The following KCNMB2 variants were observed in gnomAD, a reference collection of about 807,000 sequenced individuals.
KCNMB2 encodes the protein potassium calcium-activated channel subfamily M regulatory beta subunit 2, also known as calcium-activated potassium channel subunit beta-2.
A neutral mutation model predicts 24.5 loss-of-function variants in KCNMB2; 9 were observed. The observed-to-expected ratio is 0.37, with a 90% CI of 0.22 to 0.64. The LOEUF (loss-of-function observed/expected upper bound fraction) is 0.64. KCNMB2 is among the 30% of genes least tolerant of loss of function. The pLI, the probability that KCNMB2 is intolerant of heterozygous loss-of-function variation, is 0.63. For missense variants in KCNMB2, 226 were observed against 284.3 expected (o/e 0.79, Z 1.47); for synonymous variants, 109 against 104.4 (o/e 1.04, Z -0.27).
intron 1 of KCNMB2, among the ~76,000 whole-genome samples, chr3:178,712,882 C>G (rs9825087): frequency 0.078 from 11,894 of 152,164 alleles, 687 homozygotes; most frequent in African/African-American, 0.16. Flanking sequence ...ATTGGGAATA[C>G]TAGGTATTAC....
At chr3:178,826,311 T>C (rs1314735886) in intron 3 of KCNMB2, among the ~76,000 whole-genome samples, 1 of 152,226 alleles carries the variant, frequency 6.6e-6, no homozygotes, top group Admixed American at 6.5e-5. Context: ...AAGGTCAGAT[T>C]TAATTGGTCC....
intron 2 of KCNMB2, among the ~76,000 whole-genome samples, chr3:178,812,461 C>A (rs188651202): frequency 2.8e-5 from 4 of 142,362 alleles, no homozygotes; most frequent in African/African-American, 1.0e-4. Context: ...TTGTTCAATT[C>A]CCACCTATGA....
rs118185750 is a variant in KCNMB2 at position 178,664,022 on chromosome 3, G to C, written c.-68+127311G>C. Among the ~76,000 whole-genome samples, 28 of 152,222 alleles carry C rather than the reference G, an allele frequency of 1.8e-4. No homozygotes were observed. In the East Asian group the frequency reaches 5.4e-3, roughly 29 times the overall value. ...CCATCTAGAGGGGAGGGAAAAGAAA[G>C]AGTCGGGGTGTTCAAGGGTTACTGT... On this transcript the variant is annotated intron_variant, in intron 1 of 4. Transcript: ENST00000452583.
chr3:178,715,512 T>C (rs886333890), intron 1 of KCNMB2, among the ~76,000 whole-genome samples: 2 of 152,080 alleles, frequency 1.3e-5, no homozygotes, highest in Admixed American at 1.3e-4. Context: ...TCTCCCTGTG[T>C]CTTTGAGTTA....
At chr3:178,676,403 G>A (rs1186677661) in intron 1 of KCNMB2, among the ~76,000 whole-genome samples, 1 of 152,112 alleles carries the variant, frequency 6.6e-6, no homozygotes, top group Admixed American at 6.5e-5. Flanking sequence ...GACAGTGCAG[G>A]GCTGGGACTG....
intron 1 of KCNMB2, among the ~76,000 whole-genome samples, chr3:178,730,411 C>CCCCA (rs576910377): frequency 2.6e-4 from 37 of 142,796 alleles, no homozygotes; most frequent in South Asian, 7.0e-4. Context: ...CAACACCCCC[C>CCCCA]CACACACACA....
chr3:178,678,391 T>C (rs922930224), intron 1 of KCNMB2, among the ~76,000 whole-genome samples: 7 of 152,212 alleles, frequency 4.6e-5, no homozygotes, highest in Admixed American at 1.3e-4. Context: ...CCTGTGGGCC[T>C]AAGGGACTTT....
chr3:178,726,701 G>T (rs1034895731), intron 1 of KCNMB2, among the ~76,000 whole-genome samples: 1 of 151,840 alleles, frequency 6.6e-6, no homozygotes, highest in African/African-American at 2.4e-5. Context: ...AAATAAAATA[G>T]ACATTCAAAT....
chr3:178,554,750 G>A (rs1279697788), intron 1 of KCNMB2, among the ~76,000 whole-genome samples: 1 of 152,206 alleles, frequency 6.6e-6, no homozygotes, highest in East Asian at 1.9e-4. Flanking sequence ...AACTAGGGTT[G>A]ATAAACAGAC....
intron 1 of KCNMB2, among the ~76,000 whole-genome samples, chr3:178,590,702 G>T (rs1229139614): frequency 1.3e-5 from 2 of 152,276 alleles, no homozygotes; most frequent in Non-Finnish European, 2.9e-5. Flanking sequence ...TAAGTAACTT[G>T]CCTTGAGCCA....
At chr3:178,541,378 A>C (rs1715613159) in intron 1 of KCNMB2, among the ~76,000 whole-genome samples, 1 of 152,176 alleles carries the variant, frequency 6.6e-6, no homozygotes, top group African/African-American at 2.4e-5. Flanking sequence ...GGATGGTAAA[A>C]CCAAGTTGGA....
intron 1 of KCNMB2, among the ~76,000 whole-genome samples, chr3:178,572,829 A>G (rs1005154338): frequency 5.2e-4 from 79 of 152,332 alleles, no homozygotes; most frequent in African/African-American, 1.9e-3. Context: ...ATGACTTTAA[A>G]GAATAAAAAC....
intron 1 of KCNMB2, among the ~76,000 whole-genome samples, chr3:178,779,547 A>G (rs1300344435): frequency 6.6e-6 from 1 of 152,158 alleles, no homozygotes; most frequent in Non-Finnish European, 1.5e-5. Context: ...TAATTTATAG[A>G]TTCTTTCTCC....
intron 4 of KCNMB2, among the ~76,000 whole-genome samples, chr3:178,834,046 GA>G (rs1715137820): frequency 6.6e-6 from 1 of 152,074 alleles, no homozygotes; most frequent in African/African-American, 2.4e-5. Context: ...TACTCACCAG[GA>G]ATTCCCAAAA....
At chr3:178,658,275 T>C (rs900251626) in intron 1 of KCNMB2, among the ~76,000 whole-genome samples, 1 of 152,202 alleles carries the variant, frequency 6.6e-6, no homozygotes, top group African/African-American at 2.4e-5. Context: ...TTGTCAAACT[T>C]CCAAAGTATG....
chr3:178,605,098 G>C (rs1718225334), intron 1 of KCNMB2, among the ~76,000 whole-genome samples: 1 of 152,136 alleles, frequency 6.6e-6, no homozygotes, highest in Admixed American at 6.6e-5. Context: ...GAATGTTTGT[G>C]TTCCCCTAAA....
chr3:178,553,774 A>G (rs544087789), intron 1 of KCNMB2, among the ~76,000 whole-genome samples: 1 of 152,212 alleles, frequency 6.6e-6, no homozygotes, highest in African/African-American at 2.4e-5. Flanking sequence ...TCCCAACCTC[A>G]AGGGATCTGC....
chr3:178,768,808 A>G (rs949115675), intron 1 of KCNMB2, among the ~76,000 whole-genome samples: 2 of 152,340 alleles, frequency 1.3e-5, no homozygotes, highest in African/African-American at 4.8e-5. Flanking sequence ...TAAAAGTAAT[A>G]AAAAGAGCCA....
chr3:178,767,980 G>A (rs1712191576), intron 1 of KCNMB2, among the ~76,000 whole-genome samples: 1 of 150,686 alleles, frequency 6.6e-6, no homozygotes, highest in Admixed American at 6.6e-5. Flanking sequence ...AGGCTGCAGT[G>A]TTCGCATTTG....
Sources: gnomAD v4.1 joint callset for allele counts (sites outside exome capture counted in the v4.1 genomes callset) on GRCh38, gnomAD v4.1.1 for gene constraint, MANE v1.5 for transcripts, NCBI Gene and HGNC (gene_info 2026-07-23, HGNC 2026-07-21) for gene names.